The following CTNNA3 variants were observed in gnomAD, a reference collection of about 807,000 sequenced individuals.
The protein encoded by CTNNA3 is catenin alpha 3, also known as catenin alpha-3.
CTNNA3 carries 76 observed loss-of-function variants against 95.7 expected under a neutral mutation model. The ratio of observed to expected loss-of-function variants is 0.79; its 90% CI spans 0.66 to 0.96. CTNNA3 has a LOEUF of 0.96. Ranked by LOEUF, CTNNA3 falls within the 40% of genes least tolerant of loss-of-function variation. The pLI is 0.00. For missense variants in CTNNA3, 1,191 were observed against 1,089.8 expected, an observed-to-expected ratio of 1.09 and a Z score of -1.31; for synonymous variants, 431 against 374.4, an observed-to-expected ratio of 1.15 and a Z score of -1.74.
chr10:66,403,963 C>T (rs927541136), intron 11 of CTNNA3, among the ~76,000 whole-genome samples: 8 of 152,138 alleles, frequency 5.3e-5, no homozygotes, highest in Non-Finnish European at 7.3e-5. Flanking sequence ...TGAGAGGCCA[C>T]AAGATAGATG....
chr10:66,956,328 G>A (rs1254349994), intron 7 of CTNNA3, among the ~76,000 whole-genome samples: 2 of 151,788 alleles, frequency 1.3e-5, no homozygotes, highest in African/African-American at 2.4e-5. Flanking sequence ...TGGGAGCAGA[G>A]GGGATTCTTC....
At chr10:66,065,644 C>A (rs1195977823) in intron 15 of CTNNA3, among the ~76,000 whole-genome samples, 3 of 151,984 alleles carry the variant, frequency 2.0e-5, no homozygotes, top group Admixed American at 1.3e-4. Flanking sequence ...TGTTACTTTT[C>A]TTATTAACAC....
chr10:67,279,575 T>C (rs929987202), intron 5 of CTNNA3, among the ~76,000 whole-genome samples: 2 of 138,756 alleles, frequency 1.4e-5, no homozygotes, highest in Non-Finnish European at 3.2e-5. Flanking sequence ...GCTTGGTAAA[T>C]TGGCACTTTA....
At chr10:66,922,836 T>C (rs1342305326) in intron 7 of CTNNA3, among the ~76,000 whole-genome samples, 1 of 152,198 alleles carries the variant, frequency 6.6e-6, no homozygotes, top group Non-Finnish European at 1.5e-5. Context: ...TGTGGGTACA[T>C]AGTAAGTGTG....
chr10:67,475,181 A>G (rs1847961911), intron 5 of CTNNA3, among the ~76,000 whole-genome samples: 1 of 152,228 alleles, frequency 6.6e-6, no homozygotes, highest in African/African-American at 2.4e-5. Flanking sequence ...CAGCCACATT[A>G]TTACATGATT....
At chr10:66,624,894 A>G (rs533899869) in intron 9 of CTNNA3, among the ~76,000 whole-genome samples, 16 of 152,144 alleles carry the variant, frequency 1.1e-4, no homozygotes, top group Non-Finnish European at 2.1e-4. Context: ...TGGCATTGAA[A>G]TGATTGACCA....
chr10:67,006,830 G>C (rs1027805502), intron 7 of CTNNA3, among the ~76,000 whole-genome samples: 1 of 151,220 alleles, frequency 6.6e-6, no homozygotes, highest in Non-Finnish European at 1.5e-5. Flanking sequence ...GTCTCACTCT[G>C]TTGCCCAGGC....
At position 66,618,712 on chromosome 10, in the gene CTNNA3, G is replaced by C. The variant is rs570921750; in HGVS notation, c.1374+2980C>G. ...AACAAAAGCCAAAATTGACAAATGG[G>C]ATCTAATTAAACTAAAGAGCTTCTG... On this transcript the variant is annotated intron_variant, in intron 10 of 17. Coordinates refer to ENST00000433211, the MANE Select transcript of CTNNA3 (RefSeq NM_013266.4). 7.4e-3 allele frequency among the ~76,000 whole-genome samples: 1,129 copies of C among 152,134 alleles called. 6 individuals carry two copies. Among genetic ancestry groups the C allele is most frequent in the Non-Finnish European group, 0.012 (849 of 68,008 alleles).
chr10:67,110,424 A>T (rs1858862910), intron 7 of CTNNA3, among the ~76,000 whole-genome samples: 1 of 152,172 alleles, frequency 6.6e-6, no homozygotes, highest in Admixed American at 6.6e-5. Flanking sequence ...TTAGCATGAA[A>T]TACTGACATT....
intron 7 of CTNNA3, among the ~76,000 whole-genome samples, chr10:67,055,454 C>T (rs1228271782): frequency 1.3e-5 from 2 of 151,930 alleles, no homozygotes; most frequent in Non-Finnish European, 2.9e-5. Flanking sequence ...ATTAACAAAG[C>T]AAATAGGTAG....
intron 13 of CTNNA3, among the ~76,000 whole-genome samples, chr10:66,139,312 A>G (rs1475015269): frequency 6.6e-6 from 1 of 152,042 alleles, no homozygotes; most frequent in Non-Finnish European, 1.5e-5. Flanking sequence ...ATTTGAAAAT[A>G]TTTATAGGCA....
chr10:67,674,326 C>T (rs1295970988), intron 1 of CTNNA3, among the ~76,000 whole-genome samples: 3 of 151,978 alleles, frequency 2.0e-5, no homozygotes, highest in Non-Finnish European at 4.4e-5. Context: ...ATCTGCAAGC[C>T]AAGGAAAGAG....
intron 7 of CTNNA3, among the ~76,000 whole-genome samples, chr10:66,946,070 T>C (rs1013638589): frequency 1.3e-5 from 2 of 152,152 alleles, no homozygotes; most frequent in Non-Finnish European, 2.9e-5. Flanking sequence ...AATGAGCACA[T>C]GCTGTTGAAA....
At chr10:66,084,315 G>C (rs1383160306) in intron 14 of CTNNA3, among the ~76,000 whole-genome samples, 1 of 151,808 alleles carries the variant, frequency 6.6e-6, no homozygotes, top group African/African-American at 2.4e-5. Flanking sequence ...TGACTATTCT[G>C]TTGCATGCCA....
chr10:67,411,068 G>T (rs943069848), intron 5 of CTNNA3, among the ~76,000 whole-genome samples: 38 of 152,068 alleles, frequency 2.5e-4, no homozygotes, highest in African/African-American at 8.9e-4. Flanking sequence ...GGGTTACCCA[G>T]AAAAATGCTG....
rs1840671291 is a variant in CTNNA3 at position 67,541,072 on chromosome 10, G to C, written c.293-1403C>G. ...TACCAGGCCCCTATTGAACACATAA[G>C]TCATTTCCAACTTTTTCCTATTTTA... On this transcript the variant is annotated intron_variant, in intron 3 of 17. Transcript: ENST00000433211. 2.6e-5 allele frequency among the ~76,000 whole-genome samples: 4 copies of C among 151,850 alleles called. No individual in the cohort carries two copies. The South Asian group carries it at 8.3e-4, about 32-fold the overall frequency.
intron 7 of CTNNA3, among the ~76,000 whole-genome samples, chr10:66,992,611 C>T (rs1446318667): frequency 1.3e-5 from 2 of 151,792 alleles, no homozygotes; most frequent in African/African-American, 2.4e-5. Flanking sequence ...ACACTTAATG[C>T]CTTGGATGAA....
At chr10:67,741,497 C>T (rs936994795) in intron 1 of CTNNA3, among the ~76,000 whole-genome samples, 2 of 150,818 alleles carry the variant, frequency 1.3e-5, no homozygotes, top group African/African-American at 4.9e-5. Flanking sequence ...AAAACAGCTC[C>T]TGAAGGAAGC....
At chr10:66,603,409 C>T (rs1844003794) in intron 10 of CTNNA3, among the ~76,000 whole-genome samples, 1 of 152,090 alleles carries the variant, frequency 6.6e-6, no homozygotes, top group South Asian at 2.1e-4. Flanking sequence ...GCAAAGAAAA[C>T]TGTAAAACAC....
Sources: gnomAD v4.1 joint callset for allele counts (sites outside exome capture counted in the v4.1 genomes callset) on GRCh38, gnomAD v4.1.1 for gene constraint, MANE v1.5 for transcripts, NCBI Gene and HGNC (gene_info 2026-07-23, HGNC 2026-07-21) for gene names.